Variants in SOX5 observed in about 807,000 individuals in gnomAD.
SOX5 encodes the protein SRY-box transcription factor 5.
A neutral mutation model predicts 92.0 loss-of-function variants in SOX5; 9 were observed. The ratio of observed to expected loss-of-function variants is 0.10; its 90% CI spans 0.06 to 0.17. The LOEUF (loss-of-function observed/expected upper bound fraction) is 0.17. Ranked by LOEUF, SOX5 falls within the 10% of genes least tolerant of loss-of-function variation. The pLI is 1.00. For missense variants in SOX5, 642 were observed against 944.5 expected (o/e 0.68, Z 4.20); for synonymous variants, 344 against 336.3 (o/e 1.02, Z -0.25).
intron 2 of SOX5, among the ~76,000 whole-genome samples, chr12:23,850,470 A>T (rs1446857435): frequency 2.5e-5 from 2 of 81,178 alleles, no homozygotes; most frequent in Non-Finnish European, 4.5e-5. Flanking sequence ...AATAAATAAA[A>T]AATAAAAAAA....
chr12:24,262,266 C>T (rs183091121), intron 3 of SOX5, among the ~76,000 whole-genome samples: 11 of 152,276 alleles, frequency 7.2e-5, no homozygotes, highest in Admixed American at 2.6e-4. Context: ...CAATCAAGGA[C>T]AGTGACACCA....
intron 2 of SOX5, among the ~76,000 whole-genome samples, chr12:24,322,061 G>C (rs754999458): frequency 2.0e-5 from 3 of 152,076 alleles, no homozygotes; most frequent in African/African-American, 4.8e-5. Context: ...CAATAAATTG[G>C]AAGTACAGAG....
rs12371864 is a variant in SOX5, at chr12:24,438,058, T to C, written c.-250-69419A>G. On this transcript the variant is annotated intron_variant, in intron 1 of 4. Transcript: ENST00000446891. ...AAATGCCCATCAATGACAGACTGGA[T>C]AAAGAAAACGTGGCACATATATACC... is the stretch of plus-strand genomic sequence containing the variant. Among the ~76,000 whole-genome samples the C allele has an allele frequency of 6.9e-3, 1,057 of 152,226 alleles. 7 individuals carry two copies. The highest frequency in any genetic ancestry group is 0.021 in the South Asian group (103 of 4,828).
intron 4 of SOX5, among the ~76,000 whole-genome samples, chr12:24,175,180 CT>C: frequency 6.6e-6 from 1 of 152,332 alleles, no homozygotes; most frequent in Non-Finnish European, 1.5e-5. Flanking sequence ...CATATTTTGT[CT>C]TTTTGGCATC....
chr12:24,109,431 C>T (rs1278570728), intron 4 of SOX5, among the ~76,000 whole-genome samples: 1 of 152,142 alleles, frequency 6.6e-6, no homozygotes, highest in Non-Finnish European at 1.5e-5. Flanking sequence ...GAATTATGCA[C>T]TTCTACCACT....
chr12:24,355,274 G>T (rs965170430), intron 2 of SOX5, among the ~76,000 whole-genome samples: 2 of 138,918 alleles, frequency 1.4e-5, no homozygotes, highest in African/African-American at 5.3e-5. Context: ...GTGTGGTGAG[G>T]GGTGCATCTT....
At chr12:23,845,849 T>A (rs1342270007) in intron 3 of SOX5, 134 bp downstream of exon 3, 7 of 690,980 alleles carry the variant, frequency 1.0e-5, no homozygotes, top group Non-Finnish European at 1.7e-5. Context: ...ATACCAACCG[T>A]CTTCATAGCA....
At position 24,126,822 on chromosome 12, in the gene SOX5, C is replaced by T. The variant is rs554881232; in HGVS notation, c.-2+86521G>A. Among the ~76,000 whole-genome samples the T allele has an allele frequency of 7.2e-5, 11 of 152,122 alleles. No homozygotes were observed. In the South Asian group the frequency reaches 2.3e-3, roughly 32 times the overall value. ...TAGTATGCTGCTCTTTCTGGGGTCA[C>T]TGAACATGATGGGGGTCATCTCACA... On this transcript the variant is annotated intron_variant, in intron 4 of 4. Coordinates refer to the SOX5 transcript ENST00000446891.
intron 3 of SOX5, among the ~76,000 whole-genome samples, chr12:24,249,416 A>G (rs1203475541): frequency 6.6e-6 from 1 of 152,216 alleles, no homozygotes; most frequent in Non-Finnish European, 1.5e-5. Context: ...TAAATGATAC[A>G]TAGCACAAGC....
intron 1 of SOX5, among the ~76,000 whole-genome samples, chr12:23,919,245 T>C (rs2138744258): frequency 6.6e-6 from 1 of 152,268 alleles, no homozygotes; most frequent in East Asian, 1.9e-4. Flanking sequence ...AAATTGGTAG[T>C]TTCATGTAGC....
intron 7 of SOX5, among the ~76,000 whole-genome samples, chr12:23,650,479 G>A (rs1269964573): frequency 6.6e-6 from 1 of 152,064 alleles, no homozygotes; most frequent in Non-Finnish European, 1.5e-5. Context: ...GGTAGAGGAG[G>A]CCTTGTAGAA....
At chr12:23,546,671 A>G (rs1357967924) in intron 11 of SOX5, among the ~76,000 whole-genome samples, 2 of 152,278 alleles carry the variant, frequency 1.3e-5, no homozygotes, top group East Asian at 3.9e-4. Context: ...CCTAAGGGAT[A>G]TATGCCGGGA....
rs1418243864 is a variant in SOX5, at chr12:23,570,928, AAAATATATATATATATATATAT to A, written c.1342+4711_1342+4732del. ...TCCAACTCAAAAAAAAAAAAAAAAAAAAATATATATATATATATATATATATATATATATATATATATATATA... is the reference window on the plus strand; with the variant it reads ...TCCAACTCAAAAAAAAAAAAAAAAAAATATATATATATATATATATATATA... On this transcript the variant is annotated intron_variant, in intron 10 of 14. Transcript: ENST00000451604. Among the ~76,000 whole-genome samples, 103 of 23,192 alleles carry A rather than the reference AAAATATATATATATATATATAT, an allele frequency of 4.4e-3. 8 individuals carry two copies. The highest frequency in any genetic ancestry group is 0.033 in the South Asian group (18 of 546). 15.2% of individuals were successfully genotyped at this position (23,192 alleles called of 152,430 possible). A position where few individuals can be genotyped will look rare whatever the true frequency, so the allele number is the denominator to read the frequency against.
chr12:24,017,597 C>T (rs1283739269), intron 4 of SOX5, among the ~76,000 whole-genome samples: 1 of 151,432 alleles, frequency 6.6e-6, no homozygotes, highest in East Asian at 1.9e-4. Flanking sequence ...GAGACTCTAT[C>T]TCAAAAAATA....
intron 3 of SOX5, among the ~76,000 whole-genome samples, chr12:24,250,080 A>G (rs528267150): frequency 6.6e-6 from 1 of 152,346 alleles, no homozygotes; most frequent in South Asian, 2.1e-4. Context: ...TAGTTATATC[A>G]CAAAGATGTA....
chr12:23,823,834 A>C (rs1408686272), intron 3 of SOX5, among the ~76,000 whole-genome samples: 2 of 151,874 alleles, frequency 1.3e-5, no homozygotes, highest in African/African-American at 4.8e-5. Context: ...TTTTTCTCTA[A>C]TCTTGTCTTC....
At chr12:24,039,702 G>A (rs1956347208) in intron 4 of SOX5, among the ~76,000 whole-genome samples, 1 of 152,048 alleles carries the variant, frequency 6.6e-6, no homozygotes, top group Non-Finnish European at 1.5e-5. Flanking sequence ...ATATCCTACA[G>A]TATATACATA....
chr12:23,926,901 G>A (rs1476094793), intron 1 of SOX5, among the ~76,000 whole-genome samples: 1 of 151,916 alleles, frequency 6.6e-6, no homozygotes, highest in African/African-American at 2.4e-5. Flanking sequence ...TATCCCAGAG[G>A]ACTTAAAATC....
chr12:23,838,368 C>T lies in SOX5; in HGVS notation c.481+7615G>A, dbSNP rs567157858. 2.2e-4 allele frequency among the ~76,000 whole-genome samples: 34 copies of T among 151,422 alleles called. No individual in the cohort carries two copies. In the South Asian group the frequency reaches 6.9e-3, roughly 31 times the overall value. On this transcript the variant is annotated intron_variant, in intron 3 of 14. Coordinates refer to ENST00000451604, the MANE Select transcript of SOX5 (RefSeq NM_006940.6). ...CCTTGATGCATCTCTCCCATCATTGCAGTTATTAAATAAACGTTCTTGTCA... is the reference window on the plus strand; with the variant it reads ...CCTTGATGCATCTCTCCCATCATTGTAGTTATTAAATAAACGTTCTTGTCA...
Sources: allele counts gnomAD v4.1 joint callset (sites outside exome capture counted in the v4.1 genomes callset), GRCh38; gene constraint gnomAD v4.1.1; transcripts MANE v1.5; gene names NCBI Gene and HGNC (gene_info 2026-07-23, HGNC 2026-07-21).